Variants in BRD10 observed in about 807,000 individuals in gnomAD.
The protein encoded by BRD10 is bromodomain containing 10, also known as uncharacterized bromodomain-containing protein 10.
At chr9:5,938,786 T>C in the BRD10 span, among the ~76,000 whole-genome samples, 3 of 152,190 alleles carry the variant, frequency 2.0e-5, no homozygotes, top group Non-Finnish European at 2.9e-5. Flanking sequence ...TTGTTAACCA[T>C]TAACGAGTTT....
chr9:5,930,121 G>GTTT, the BRD10 span, among the ~76,000 whole-genome samples: 27 of 146,302 alleles, frequency 1.8e-4, no homozygotes, highest in Admixed American at 7.5e-4. Context: ...ATCATGTTGG[G>GTTT]TTTTTTTTTT....
the BRD10 span, among the ~76,000 whole-genome samples, chr9:5,928,658 C>T: frequency 3.3e-5 from 5 of 152,180 alleles, no homozygotes; most frequent in African/African-American, 1.2e-4. Context: ...AGCTCCCTTC[C>T]TCATTTCTTT....
chr9:5,918,460 A>G, the BRD10 span, among the ~76,000 whole-genome samples: 1 of 152,182 alleles, frequency 6.6e-6, no homozygotes, highest in African/African-American at 2.4e-5. Context: ...TCATGCCTGT[A>G]ATACCAGCAC....
chr9:5,992,715 CCTT>C, the BRD10 span, among the ~76,000 whole-genome samples: 17 of 41,288 alleles, frequency 4.1e-4, no homozygotes, highest in Middle Eastern at 0.021. Flanking sequence ...TCTTTCTCCC[CCTT>C]TTTTTTTTTT....
chr9:5,912,684 G>A, the BRD10 span, among the ~76,000 whole-genome samples: 2 of 152,174 alleles, frequency 1.3e-5, no homozygotes, highest in Non-Finnish European at 2.9e-5. Flanking sequence ...AAGGAAACCT[G>A]AACTCAGGAA....
At chr9:5,975,030 T>G in the BRD10 span, among the ~76,000 whole-genome samples, 1 of 152,124 alleles carries the variant, frequency 6.6e-6, no homozygotes, top group African/African-American at 2.4e-5. Flanking sequence ...AAGGTAAAAT[T>G]TACAATGTTT....
chr9:6,001,296 A>G, the BRD10 span, among the ~76,000 whole-genome samples: 1 of 152,070 alleles, frequency 6.6e-6, no homozygotes, highest in Non-Finnish European at 1.5e-5. Context: ...TCAAAATACT[A>G]CTAGTAAAAT....
At chr9:5,931,272 G>T in the BRD10 span, among the ~76,000 whole-genome samples, 3 of 152,182 alleles carry the variant, frequency 2.0e-5, no homozygotes, top group African/African-American at 7.2e-5. Context: ...CTTAGGCCTA[G>T]GTAGATGAGG....
At chr9:6,000,918 ATTTC>A in the BRD10 span, among the ~76,000 whole-genome samples, 1 of 151,958 alleles carries the variant, frequency 6.6e-6, no homozygotes, top group African/African-American at 2.4e-5. Context: ...CATTTACTCT[ATTTC>A]TTTATCATCC....
At chr9:5,936,748 A>C in the BRD10 span, among the ~76,000 whole-genome samples, 4 of 152,340 alleles carry the variant, frequency 2.6e-5, no homozygotes, top group Middle Eastern at 3.4e-3. Flanking sequence ...TCTATAATAC[A>C]AAAACTAAGA....
chr9:5,889,650 T>C, the BRD10 span, among the ~76,000 whole-genome samples: 1 of 152,066 alleles, frequency 6.6e-6, no homozygotes, highest in Admixed American at 6.5e-5. Flanking sequence ...CCAGGTGTGG[T>C]GGCGTGCACC....
the BRD10 span, among the ~76,000 whole-genome samples, chr9:5,981,089 C>T: frequency 1.3e-5 from 2 of 152,168 alleles, no homozygotes; most frequent in African/African-American, 4.8e-5. Flanking sequence ...AGATTGTTTG[C>T]CTCTAGATCC....
the BRD10 span, among the ~76,000 whole-genome samples, chr9:5,929,573 C>G: frequency 3.9e-5 from 6 of 152,150 alleles, no homozygotes; most frequent in East Asian, 1.2e-3. Context: ...GGTTTGTTAT[C>G]ATGTCTAAAA....
chr9:5,902,997 C>T, the BRD10 span, among the ~76,000 whole-genome samples: 1 of 152,164 alleles, frequency 6.6e-6, no homozygotes, highest in African/African-American at 2.4e-5. Context: ...CACTGCTAAG[C>T]AGTATCCCAC....
chr9:5,908,609 A>G, the BRD10 span: 1 of 1,587,398 alleles, frequency 6.3e-7, no homozygotes, highest in African/African-American at 1.3e-5. Context: ...ACTGTTGCCA[A>G]GCCCATATTC....
chr9:5,926,584 T>G, the BRD10 span, among the ~76,000 whole-genome samples: 3 of 152,110 alleles, frequency 2.0e-5, no homozygotes, highest in Non-Finnish European at 4.4e-5. Flanking sequence ...CAGGCCAGAG[T>G]GCAGTGGCGC....
chr9:5,953,577 C>A, the BRD10 span, among the ~76,000 whole-genome samples: 16 of 151,920 alleles, frequency 1.1e-4, no homozygotes, highest in Non-Finnish European at 1.5e-5. Flanking sequence ...CCATTTATTT[C>A]TACAGTGCCC....
At chr9:5,888,157 G>A in the BRD10 span, among the ~76,000 whole-genome samples, 1 of 151,910 alleles carries the variant, frequency 6.6e-6, no homozygotes, top group Non-Finnish European at 1.5e-5. Context: ...TTCCGGTGGG[G>A]TTTTTTTTCT....
the BRD10 span, among the ~76,000 whole-genome samples, chr9:5,930,013 C>T: frequency 6.6e-6 from 1 of 152,118 alleles, no homozygotes; most frequent in East Asian, 1.9e-4. Flanking sequence ...TACACCTCAC[C>T]TGTATATATA....
Sources: gnomAD v4.1 joint callset for allele counts (sites outside exome capture counted in the v4.1 genomes callset) on GRCh38, gnomAD v4.1.1 for gene constraint, MANE v1.5 for transcripts, NCBI Gene and HGNC (gene_info 2026-07-23, HGNC 2026-07-21) for gene names.